Variants in DHX30 observed in about 807,000 individuals in gnomAD.
DHX30 encodes the protein DExH-box helicase 30, also known as ATP-dependent RNA helicase DHX30.
In DHX30, 4 loss-of-function variants were observed where a neutral mutation model predicts 116.9. The ratio of observed to expected loss-of-function variants is 0.03; its 90% CI spans 0.02 to 0.08. DHX30 has a LOEUF of 0.08. Ranked by LOEUF, DHX30 falls within the 10% of genes least tolerant of loss-of-function variation. DHX30 has a pLI of 1.00. For missense variants in DHX30, 871 were observed against 1,595.1 expected (o/e 0.55, Z 7.73); for synonymous variants, 697 against 651.7 (o/e 1.07, Z -1.06).
At chr3:47,835,117 C>T (rs1028302834) in intron 6 of DHX30, among the ~76,000 whole-genome samples, 2 of 151,496 alleles carry the variant, frequency 1.3e-5, no homozygotes, top group African/African-American at 2.4e-5. Flanking sequence ...AATTCTCCTG[C>T]CTCAGCCTCC....
intron 3 of DHX30, among the ~76,000 whole-genome samples, chr3:47,812,504 GTCAAGATTGTGCCACTGCAC>G (rs1328567554): frequency 6.7e-6 from 1 of 149,728 alleles, no homozygotes; most frequent in Admixed American, 6.7e-5. Context: ...GTTGTAGTGA[GTCAAGATTGTGCCACTGCAC>G]TCCAGCCTGG....
chr3:47,820,533 G>A (rs2036251285), intron 4 of DHX30, among the ~76,000 whole-genome samples: 1 of 152,110 alleles, frequency 6.6e-6, no homozygotes, highest in Admixed American at 6.6e-5. Context: ...GTTTCTTTAG[G>A]TGTTGGTGGT....
intron 6 of DHX30, among the ~76,000 whole-genome samples, chr3:47,835,273 A>G (rs1396591058): frequency 6.7e-6 from 1 of 149,594 alleles, no homozygotes; most frequent in Non-Finnish European, 1.5e-5. Context: ...TCCTGGGTTC[A>G]AGCAGTTCTG....
rs1280536529 is a variant in DHX30 at position 47,847,970 on chromosome 3, C to T, written c.2286+14C>T. ...CTGAAGACCAAGGTGGCACCTACCT[C>T]CTGGGCCCGGCCAACCACTGGGGGA... On this transcript the variant is annotated intron_variant, in intron 14 of 21. Transcript: ENST00000445061. This position sits in a 1 kb window ranked among gnomAD's most constrained non-coding sequence, Gnocchi z 5.5. 15 of 1,611,362 alleles carry T rather than the reference C, an allele frequency of 9.3e-6. No homozygotes were observed. The highest frequency in any genetic ancestry group is 1.3e-5 in the Non-Finnish European group (15 of 1,177,758).
chr3:47,839,545 C>T (rs1559712856), intron 6 of DHX30, among the ~76,000 whole-genome samples: 3 of 151,950 alleles, frequency 2.0e-5, no homozygotes, highest in Admixed American at 1.3e-4. Flanking sequence ...CCGCCCACCT[C>T]GGCCTCCCAA....
chr3:47,824,999 G>T (rs953217139), intron 4 of DHX30: 2 of 564,736 alleles, frequency 3.5e-6, no homozygotes, highest in South Asian at 4.2e-5. Context: ...CTCTTCGCCC[G>T]GTCCCTGCCG....
rs775996180 is a variant in DHX30, at chr3:47,849,439, C to T, written c.3088-12C>T. ...TGCTCAGCCCCACCCGTCTTTTCCTCCATCCCTGCAGGTGAGGCAGGGCAA... is the reference window on the plus strand; with the variant it reads ...TGCTCAGCCCCACCCGTCTTTTCCTTCATCCCTGCAGGTGAGGCAGGGCAA... On this transcript the variant is annotated splice_polypyrimidine_tract_variant and intron_variant, in intron 19 of 21. Coordinates refer to ENST00000445061, the MANE Select transcript of DHX30 (RefSeq NM_138615.3). 1 of 1,570,726 alleles carries T rather than the reference C, an allele frequency of 6.4e-7. No homozygotes were observed. Among genetic ancestry groups the T allele is most frequent in the Non-Finnish European group, 8.7e-7 (1 of 1,155,296 alleles).
At chr3:47,834,308 T>C (rs1034712861) in intron 6 of DHX30, among the ~76,000 whole-genome samples, 2 of 152,116 alleles carry the variant, frequency 1.3e-5, no homozygotes, top group East Asian at 1.9e-4. Flanking sequence ...TTCGCCATGG[T>C]GGCCAGGCTG....
At chr3:47,845,137 C>T (rs2037547348) in intron 9 of DHX30, among the ~76,000 whole-genome samples, 1 of 152,166 alleles carries the variant, frequency 6.6e-6, no homozygotes, top group African/African-American at 2.4e-5. Flanking sequence ...CTTCTCCAGA[C>T]GTAGGGCTGT....
intron 4 of DHX30, among the ~76,000 whole-genome samples, chr3:47,823,996 C>CTTTTTTT (rs759550719): frequency 2.8e-4 from 28 of 100,366 alleles, no homozygotes; most frequent in Non-Finnish European, 3.5e-4. Context: ...TTTTCTTTTC[C>CTTTTTTT]TTTTTTTTTT....
chr3:47,849,498 C>T lies in DHX30; in HGVS notation c.3135C>T (p.Ser1045=), dbSNP rs143987107. The change falls in exon 20 of 22, where the codon AGC becomes AGT. Residue 1045 remains serine (S), a synonymous_variant. Coordinates refer to ENST00000445061, the MANE Select transcript of DHX30 (RefSeq NM_138615.3). ...GGCAGGGGAAGTTCAAGCCCAACAG[C>T]GTCACATATAGGACCAAATCAGGCA... ...VTRQGKFKPN[S]VTYRTKSGNI... The T allele has an allele frequency of 6.9e-6, 11 of 1,590,470 alleles. No individual in the cohort carries two copies. Among genetic ancestry groups the T allele is most frequent in the South Asian group, 2.3e-5 (2 of 88,700 alleles).
At chr3:47,829,315 T>TATA (rs869292091) in intron 6 of DHX30, among the ~76,000 whole-genome samples, 181 bp downstream of exon 6, 1,466 of 32,604 alleles carry the variant, frequency 0.045, 22 homozygotes, top group African/African-American at 0.1. Flanking sequence ...TATATATATA[T>TATA]TTTTTTTTTT....
rs1411360539 is a variant in DHX30, at chr3:47,849,162, G to A, written c.2930-30G>A. ...CACCTCCAGCCTGTGGCTAGGGGCT[G>A]TAGGTCCACCACACATTCTGTCTCC... On this transcript the variant is annotated intron_variant, in intron 18 of 21. Transcript: ENST00000445061. 1.9e-6 allele frequency: 3 copies of A among 1,613,578 alleles called. No homozygotes were observed. In the Admixed American group the frequency reaches 5.0e-5, roughly 27 times the overall value.
chr3:47,804,525 A>G (rs2035435460), intron 1 of DHX30, among the ~76,000 whole-genome samples: 1 of 152,260 alleles, frequency 6.6e-6, no homozygotes, highest in South Asian at 2.1e-4. Context: ...ATTTCACCCC[A>G]GCCTGGGCAA....
At chr3:47,843,550 GA>G (rs920143880) in intron 9 of DHX30, among the ~76,000 whole-genome samples, 13 of 152,350 alleles carry the variant, frequency 8.5e-5, no homozygotes, top group African/African-American at 2.9e-4. Flanking sequence ...ATAAAGCCGG[GA>G]GGAGCCGGGC....
chr3:47,846,411 A>G lies in DHX30; in HGVS notation c.1339A>G (p.Ile447Val). Residue 447 changes from isoleucine (I) to valine (V), a missense_variant, in exon 11 of 22, where the codon ATT (isoleucine) becomes GTT (valine). Ile to Val is a conservative substitution (Grantham distance 29). Transcript: ENST00000445061. ...DPHRDTILNA[I>V]EQHPVVVISG... Reference sequence around the variant, plus strand: ...ACATCGGGACACCATCCTCAACGCCATTGAGCAGCACCCGGTGGTGGTCAT... The same window carrying G: ...ACATCGGGACACCATCCTCAACGCCGTTGAGCAGCACCCGGTGGTGGTCAT... 6.2e-7 allele frequency: 1 copy of G among 1,614,140 alleles called. No individual in the cohort carries two copies. Among genetic ancestry groups the G allele is most frequent in the Non-Finnish European group, 8.5e-7 (1 of 1,180,036 alleles).
intron 4 of DHX30, among the ~76,000 whole-genome samples, chr3:47,824,177 A>G (rs2036429559): frequency 6.6e-6 from 1 of 151,400 alleles, no homozygotes; most frequent in African/African-American, 2.4e-5. Context: ...TAATTTTTGT[A>G]TTTTTAGTAG....
chr3:47,837,801 C>T (rs753218225), intron 6 of DHX30, among the ~76,000 whole-genome samples: 1 of 152,068 alleles, frequency 6.6e-6, no homozygotes, highest in African/African-American at 2.4e-5. Context: ...AGAAGTTGCA[C>T]GGACAGCTCC....
At chr3:47,807,068 T>C (rs2035561527) in intron 2 of DHX30, among the ~76,000 whole-genome samples, 1 of 151,854 alleles carries the variant, frequency 6.6e-6, no homozygotes, top group Non-Finnish European at 1.5e-5. Context: ...TAGCCAGGCG[T>C]GGTGGCGGGT....
Sources: gnomAD v4.1 joint callset for allele counts (sites outside exome capture counted in the v4.1 genomes callset) on GRCh38, gnomAD v4.1.1 for gene constraint, Gnocchi (gnomAD v3.1) non-coding constraint, MANE v1.5 for transcripts, NCBI Gene and HGNC (gene_info 2026-07-23, HGNC 2026-07-21) for gene names.